Variants in POU2AF1 observed in about 807,000 individuals in gnomAD.
POU2AF1 encodes POU domain class 2-associating factor 1.
A neutral mutation model predicts 26.3 loss-of-function variants in POU2AF1; 12 were observed. That is an observed-to-expected ratio of 0.46 (90% CI 0.29 to 0.74). The LOEUF (loss-of-function observed/expected upper bound fraction) is 0.74. POU2AF1 is among the 30% of genes least tolerant of loss of function. POU2AF1 has a pLI of 0.09. For synonymous variants in POU2AF1, 175 were observed against 148.0 expected (o/e 1.18, Z -1.32); for missense variants, 297 against 334.5 (o/e 0.89, Z 0.87).
chr11:111,360,581 C>G (rs1252566457), intron 1 of POU2AF1, among the ~76,000 whole-genome samples: 1 of 152,164 alleles, frequency 6.6e-6, no homozygotes, highest in African/African-American at 2.4e-5. Context: ...GGTCCCTCAG[C>G]TGGCCAGGTA....
At chr11:111,355,892 G>C (rs780399869) in intron 4 of POU2AF1, among the ~76,000 whole-genome samples, 1 of 152,142 alleles carries the variant, frequency 6.6e-6, no homozygotes, top group Non-Finnish European at 1.5e-5. Context: ...CAGAATCCGG[G>C]AAAGCCTCAT....
At chr11:111,356,251 C>T (rs1279763907) in intron 4 of POU2AF1, among the ~76,000 whole-genome samples, 2 of 152,200 alleles carry the variant, frequency 1.3e-5, no homozygotes, top group African/African-American at 4.8e-5. Context: ...CACCCCAGGC[C>T]TCTGACATGG....
chr11:111,358,156 C>T lies in POU2AF1; in HGVS notation c.148-319G>A, dbSNP rs961726260. Among the ~76,000 whole-genome samples the T allele has an allele frequency of 2.6e-5, 4 of 152,064 alleles. No individual in the cohort carries two copies. The East Asian group carries it at 7.7e-4, about 29-fold the overall frequency. On this transcript the variant is annotated intron_variant, in intron 2 of 4. Transcript: ENST00000393067. ...AGCTGTGTTCGGTGGGCCAGCTGAG[C>T]CGGCCCTGATCCCTCATCCCAGTTG...
rs1316665975 is a variant in POU2AF1, at chr11:111,354,065, G to A, written c.*196C>T. 35 of 484,846 alleles carry A rather than the reference G, an allele frequency of 7.2e-5. No homozygotes were observed. The highest frequency in any genetic ancestry group is 5.6e-4 in the Middle Eastern group (1 of 1,788). The allele number at this position is 484,846 out of a possible 1,614,324, so 30.0% of individuals were successfully genotyped here. The stretch of plus-strand genomic sequence containing the variant: ...AAGGGAGGGAGGGGAAGAATGGAAG[G>A]ATGGGGGAGAGGGAGGAAGTGAGGG... On this transcript the variant is annotated 3_prime_UTR_variant, in exon 5 of 5. Coordinates refer to ENST00000393067, the MANE Select transcript of POU2AF1 (RefSeq NM_006235.3).
intron 1 of POU2AF1, among the ~76,000 whole-genome samples, chr11:111,362,506 T>A (rs1176548344): frequency 6.6e-6 from 1 of 152,154 alleles, no homozygotes; most frequent in Non-Finnish European, 1.5e-5. Flanking sequence ...CTACTCTCTA[T>A]CTCCATGAAT....
Position 111,354,444 on chromosome 11 carries a change from C to G in POU2AF1, c.588G>C (p.Pro196=). The G allele has an allele frequency of 2.5e-6, 4 of 1,613,922 alleles. No homozygotes were observed. Among genetic ancestry groups the G allele is most frequent in the Non-Finnish European group, 3.4e-6 (4 of 1,179,920 alleles). ...ACTGGGGCCCAGGTAGGGCTGGGGC[C>G]GGAGGCTGGTACTGCAGGGTGGAGG... The part of the protein sequence containing the change: ...LPTSTLQYQP[P]APALPGPQFV... The change falls in exon 5 of 5, where the codon CCG becomes CCC. Residue 196 remains proline (P), a synonymous_variant. Transcript: ENST00000393067.
chr11:111,377,270 C>T (rs901157612), intron 1 of POU2AF1, among the ~76,000 whole-genome samples: 1 of 150,888 alleles, frequency 6.6e-6, no homozygotes, highest in African/African-American at 2.4e-5. Context: ...GTCCCAGCTA[C>T]TAGGGAGGGT....
chr11:111,361,890 G>A (rs982995069), intron 1 of POU2AF1, among the ~76,000 whole-genome samples: 2 of 152,176 alleles, frequency 1.3e-5, no homozygotes, highest in African/African-American at 2.4e-5. Context: ...ATTCCCTTCC[G>A]AAATCTGAGG....
chr11:111,354,309 A>T lies in POU2AF1; in HGVS notation c.723T>A (p.Asp241Glu). The change falls in exon 5 of 5, where the codon GAT (aspartate) becomes GAA (glutamate). Residue 241 changes from aspartate (D) to glutamate (E), a missense_variant. Asp to Glu is a conservative substitution (Grantham distance 45). Coordinates refer to ENST00000393067, the MANE Select transcript of POU2AF1 (RefSeq NM_006235.3). ...TGTGGTTAAGCGCATAGGCGTCGCT[A>T]TCCTCTTCCTCCAAAAGCAGCTTGT... ...TIDKLLLEEEDSDAYALNHTL... is the reference protein window; with the variant it reads ...TIDKLLLEEEESDAYALNHTL... 6.2e-7 allele frequency: 1 copy of T among 1,614,234 alleles called. No individual in the cohort carries two copies. The highest frequency in any genetic ancestry group is 8.5e-7 in the Non-Finnish European group (1 of 1,180,040).
intron 2 of POU2AF1, among the ~76,000 whole-genome samples, chr11:111,358,394 TCA>T (rs1247590366): frequency 7.4e-4 from 43 of 57,800 alleles, no homozygotes; most frequent in African/African-American, 2.4e-3. Context: ...ACACACTCCC[TCA>T]CACACATACT....
chr11:111,377,978 T>G (rs1861341794), intron 1 of POU2AF1: 1 of 167,734 alleles, frequency 6.0e-6, no homozygotes, highest in African/African-American at 2.4e-5. Flanking sequence ...GACCTTTTGA[T>G]ATCAAACAAT....
chr11:111,355,548 G>A (rs1205644869), intron 4 of POU2AF1, among the ~76,000 whole-genome samples: 1 of 152,164 alleles, frequency 6.6e-6, no homozygotes, highest in Non-Finnish European at 1.5e-5. Context: ...TGTCTTGACA[G>A]CAAACTGTTA....
chr11:111,370,227 T>G (rs1382775109), intron 1 of POU2AF1, among the ~76,000 whole-genome samples: 1 of 152,160 alleles, frequency 6.6e-6, no homozygotes, highest in Non-Finnish European at 1.5e-5. Context: ...ATGGCCCTCA[T>G]GATGCAAGGG....
chr11:111,377,927 C>T (rs1261164013), intron 1 of POU2AF1: 1 of 175,424 alleles, frequency 5.7e-6, no homozygotes, highest in Non-Finnish European at 1.2e-5. Flanking sequence ...AACTCTCAAA[C>T]CCAAATTAAA....
intron 1 of POU2AF1, among the ~76,000 whole-genome samples, chr11:111,377,119 C>A (rs1861322929): frequency 6.6e-6 from 1 of 151,764 alleles, no homozygotes; most frequent in Non-Finnish European, 1.5e-5. Context: ...TGCAGTGACT[C>A]ACACCTGTTT....
intron 1 of POU2AF1, chr11:111,364,256 C>T (rs1288656588): frequency 6.6e-6 from 1 of 152,550 alleles, no homozygotes; most frequent in Non-Finnish European, 1.5e-5. Context: ...TCAGTCAGCA[C>T]CCTGGCTGCA....
rs1860950632 is a variant in POU2AF1 at position 111,358,936 on chromosome 11, C to T, written c.17-18G>A. ...AGCTGTGGCTGTGAAAAGCAATGTC[C>T]CTGGAGCCCATGGTCCTTCTCAGAC... On this transcript the variant is annotated intron_variant, in intron 1 of 4. Transcript: ENST00000393067. The T allele has an allele frequency of 6.3e-7, 1 of 1,591,796 alleles. No homozygotes were observed. The highest frequency in any genetic ancestry group is 2.2e-5 in the East Asian group (1 of 44,820).
At position 111,354,300 on chromosome 11, in the gene POU2AF1, G is replaced by A. The variant is rs1282986761; in HGVS notation, c.732C>T (p.Ala244=). 2.5e-6 allele frequency: 4 copies of A among 1,614,120 alleles called. No individual in the cohort carries two copies. Among genetic ancestry groups the A allele is most frequent in the African/African-American group, 1.3e-5 (1 of 74,944 alleles). The change falls in exon 5 of 5, where the codon GCC becomes GCT. Residue 244 remains alanine, a synonymous_variant. Coordinates refer to ENST00000393067, the MANE Select transcript of POU2AF1 (RefSeq NM_006235.3). ...CAGAGAGAGTGTGGTTAAGCGCATA[G>A]GCGTCGCTATCCTCTTCCTCCAAAA... ...KLLLEEEDSD[A]YALNHTLSVE...
intron 1 of POU2AF1, among the ~76,000 whole-genome samples, chr11:111,360,559 C>T (rs1054017620): frequency 4.6e-5 from 7 of 152,170 alleles, no homozygotes; most frequent in Non-Finnish European, 8.8e-5. Context: ...GGACTTTAGA[C>T]CCATCCTCCA....
Sources: gnomAD v4.1 joint callset for allele counts (sites outside exome capture counted in the v4.1 genomes callset) on GRCh38, gnomAD v4.1.1 for gene constraint, MANE v1.5 for transcripts, NCBI Gene and HGNC (gene_info 2026-07-23, HGNC 2026-07-21) for gene names.